The following MAGI2 variants were observed in gnomAD, a reference collection of about 807,000 sequenced individuals.
MAGI2 encodes the protein membrane-associated guanylate kinase, WW and PDZ domain-containing protein 2.
A neutral mutation model predicts 133.3 loss-of-function variants in MAGI2; 35 were observed. The observed-to-expected ratio is 0.26, with a 90% CI of 0.20 to 0.35. The LOEUF is 0.35. Among genes scored for constraint, MAGI2 ranks in the 10% least tolerant of loss-of-function variants. The pLI is 1.00. For missense variants in MAGI2, 1,636 were observed against 1,863.4 expected (o/e 0.88, Z 2.25); for synonymous variants, 729 against 710.6 (o/e 1.03, Z -0.41).
chr7:78,536,970 T>C (rs1479947849), intron 3 of MAGI2, among the ~76,000 whole-genome samples: 1 of 152,102 alleles, frequency 6.6e-6, no homozygotes, highest in Non-Finnish European at 1.5e-5. Context: ...TCTTCCATGC[T>C]TCCCCCTGAG....
intron 21 of MAGI2, among the ~76,000 whole-genome samples, chr7:78,070,562 A>G (rs184087451): frequency 1.6e-3 from 166 of 101,694 alleles, no homozygotes; most frequent in African/African-American, 5.9e-3. Flanking sequence ...GTATATATGT[A>G]TATATATGTG....
chr7:78,633,436 T>C (rs1584913126), intron 2 of MAGI2, among the ~76,000 whole-genome samples: 1 of 152,026 alleles, frequency 6.6e-6, no homozygotes, highest in African/African-American at 2.4e-5. Flanking sequence ...CTGGGGGCGG[T>C]GGTTCATGCC....
chr7:79,169,619 T>A (rs1337470884), intron 1 of MAGI2, among the ~76,000 whole-genome samples: 3 of 151,974 alleles, frequency 2.0e-5, no homozygotes, highest in Non-Finnish European at 2.9e-5. Flanking sequence ...GAGGTATCTC[T>A]AAAGGAGATA....
At chr7:79,166,181 G>A (rs1286549201) in intron 1 of MAGI2, among the ~76,000 whole-genome samples, 1 of 151,982 alleles carries the variant, frequency 6.6e-6, no homozygotes. Flanking sequence ...AATGTGGGTG[G>A]GACTGTGGAT....
At chr7:79,275,422 A>G (rs1835161118) in intron 1 of MAGI2, among the ~76,000 whole-genome samples, 1 of 152,210 alleles carries the variant, frequency 6.6e-6, no homozygotes, top group Non-Finnish European at 1.5e-5. Context: ...TTGAAGGCTG[A>G]AAAAGATAAG....
chr7:79,234,721 T>G (rs995839710), intron 1 of MAGI2, among the ~76,000 whole-genome samples: 7 of 150,518 alleles, frequency 4.7e-5, no homozygotes, highest in Non-Finnish European at 3.0e-5. Flanking sequence ...GTTTTCAACT[T>G]CTTTGCCTTT....
At chr7:79,214,929 T>C (rs1400305419) in intron 1 of MAGI2, among the ~76,000 whole-genome samples, 2 of 147,710 alleles carry the variant, frequency 1.4e-5, no homozygotes, top group African/African-American at 4.9e-5. Context: ...ATTTCTATGA[T>C]ATATAACATA....
chr7:78,973,205 A>G (rs1001671965), intron 2 of MAGI2, among the ~76,000 whole-genome samples: 1 of 151,540 alleles, frequency 6.6e-6, no homozygotes, highest in African/African-American at 2.4e-5. Context: ...CACATTTTCC[A>G]CTCCATTTTC....
chr7:78,751,320 C>G (rs2151278515), intron 2 of MAGI2, among the ~76,000 whole-genome samples: 1 of 152,298 alleles, frequency 6.6e-6, no homozygotes, highest in Non-Finnish European at 1.5e-5. Flanking sequence ...TAATGATTTT[C>G]ATCCATGAAA....
At chr7:79,374,240 T>C (rs1282849437) in intron 1 of MAGI2, among the ~76,000 whole-genome samples, 2 of 151,786 alleles carry the variant, frequency 1.3e-5, no homozygotes, top group Non-Finnish European at 2.9e-5. Context: ...TACAAAGTAA[T>C]GAAGTTAAAA....
chr7:78,398,642 G>T (rs1414354078), intron 6 of MAGI2, among the ~76,000 whole-genome samples: 1 of 151,716 alleles, frequency 6.6e-6, no homozygotes, highest in African/African-American at 2.4e-5. Flanking sequence ...ACAGACTTGG[G>T]ATCCATCTTT....
intron 6 of MAGI2, among the ~76,000 whole-genome samples, chr7:78,395,356 T>C (rs1481661627): frequency 1.3e-5 from 2 of 152,062 alleles, no homozygotes; most frequent in Non-Finnish European, 2.9e-5. Context: ...TGTTCAAAAG[T>C]GTAGAGAAAG....
Position 79,196,050 on chromosome 7 carries a change from T to C in MAGI2, c.302-188844A>G, listed in dbSNP as rs1828052597. Among the ~76,000 whole-genome samples, 3 of 152,066 alleles carry C rather than the reference T, an allele frequency of 2.0e-5. No individual in the cohort carries two copies. In the South Asian group the frequency reaches 6.2e-4, roughly 32 times the overall value. Reference sequence around the variant, plus strand: ...CAACATGGTGAATGTAGTTAATTTATTATACTCTTGAAAAATGAAAAAGAG... The same window carrying C: ...CAACATGGTGAATGTAGTTAATTTACTATACTCTTGAAAAATGAAAAAGAG... On this transcript the variant is annotated intron_variant, in intron 1 of 21. Coordinates refer to ENST00000354212, the MANE Select transcript of MAGI2 (RefSeq NM_012301.4).
At chr7:79,021,344 A>T (rs1447469471) in intron 1 of MAGI2, among the ~76,000 whole-genome samples, 1 of 152,148 alleles carries the variant, frequency 6.6e-6, no homozygotes, top group African/African-American at 2.4e-5. Context: ...CACAGATTGC[A>T]CTATGTGCCT....
chr7:78,725,681 C>T (rs558247070), intron 2 of MAGI2, among the ~76,000 whole-genome samples: 2 of 152,328 alleles, frequency 1.3e-5, no homozygotes, highest in African/African-American at 4.8e-5. Context: ...CGCCTGTAGT[C>T]CCAGCTACTT....
chr7:78,877,158 G>A (rs12669340), intron 2 of MAGI2, among the ~76,000 whole-genome samples: 40,462 of 152,000 alleles, frequency 0.27, 6,452 homozygotes, highest in East Asian at 0.51. Flanking sequence ...CACACTTTTC[G>A]TGTACTGATT....
intron 20 of MAGI2, among the ~76,000 whole-genome samples, chr7:78,105,117 A>G (rs545862095): frequency 3.4e-5 from 5 of 145,082 alleles, no homozygotes; most frequent in African/African-American, 1.2e-4. Context: ...CTTTATAGAC[A>G]TTGTTTATAT....
intron 2 of MAGI2, among the ~76,000 whole-genome samples, chr7:78,815,354 G>A (rs1789473052): frequency 1.3e-5 from 2 of 152,172 alleles, no homozygotes; most frequent in Non-Finnish European, 2.9e-5. Context: ...TGGCAAATAA[G>A]CTGGATTTAA....
intron 20 of MAGI2, among the ~76,000 whole-genome samples, chr7:78,122,350 G>C (rs1820553924): frequency 6.6e-6 from 1 of 152,118 alleles, no homozygotes; most frequent in Non-Finnish European, 1.5e-5. Context: ...AGAAGGAAAG[G>C]TGACAAATTT....
Sources: allele counts gnomAD v4.1 joint callset (sites outside exome capture counted in the v4.1 genomes callset), GRCh38; gene constraint gnomAD v4.1.1; transcripts MANE v1.5; gene names NCBI Gene and HGNC (gene_info 2026-07-23, HGNC 2026-07-21).